BBS9: variants seen among roughly 807,000 people sequenced by gnomAD.
BBS9 encodes Bardet-Biedl syndrome 9.
In BBS9, 89 loss-of-function variants were observed where a neutral mutation model predicts 117.7. The observed-to-expected ratio is 0.76, with a 90% CI of 0.64 to 0.90. The LOEUF (loss-of-function observed/expected upper bound fraction) is 0.90. Ranked by LOEUF, BBS9 falls within the 40% of genes least tolerant of loss-of-function variation. The pLI, the probability that BBS9 is intolerant of heterozygous loss-of-function variation, is 0.00. For missense variants in BBS9, 982 were observed against 1,042.2 expected, an observed-to-expected ratio of 0.94 and a Z score of 0.80; for synonymous variants, 379 against 370.9, an observed-to-expected ratio of 1.02 and a Z score of -0.25.
At chr7:33,563,731 T>C (rs1856445278) in intron 21 of BBS9, among the ~76,000 whole-genome samples, 1 of 152,222 alleles carries the variant, frequency 6.6e-6, no homozygotes. Context: ...ATGGGGTCAC[T>C]GTAGCTGCAA....
intron 21 of BBS9, among the ~76,000 whole-genome samples, chr7:33,632,647 A>G (rs531625817): frequency 1.2e-4 from 18 of 152,204 alleles, no homozygotes; most frequent in African/African-American, 4.1e-4. Context: ...ACCACTGCCC[A>G]GCCCCGGGGA....
intron 17 of BBS9, among the ~76,000 whole-genome samples, chr7:33,382,460 A>C (rs1584582066): frequency 5.4e-5 from 1 of 18,536 alleles, no homozygotes; most frequent in Non-Finnish European, 9.4e-5. Context: ...ACCCTGTCTC[A>C]AAAAAAAAAA....
chr7:33,476,173 G>T (rs1177920457), intron 19 of BBS9, among the ~76,000 whole-genome samples: 1 of 151,954 alleles, frequency 6.6e-6, no homozygotes, highest in Non-Finnish European at 1.5e-5. Flanking sequence ...AATACAATTG[G>T]TTTTCTATTT....
chr7:33,564,936 C>T (rs760835238), intron 21 of BBS9, among the ~76,000 whole-genome samples: 29 of 151,916 alleles, frequency 1.9e-4, no homozygotes, highest in Non-Finnish European at 3.5e-4. Context: ...GTAGATATAA[C>T]ATCAAAAGGA....
chr7:33,363,349 T>G (rs986498423), intron 16 of BBS9, among the ~76,000 whole-genome samples: 17 of 152,144 alleles, frequency 1.1e-4, no homozygotes, highest in African/African-American at 4.1e-4. Flanking sequence ...GTGATCCACC[T>G]GTCTTGGCCT....
chr7:33,264,005 C>T (rs1001185876), intron 6 of BBS9, among the ~76,000 whole-genome samples: 1 of 151,974 alleles, frequency 6.6e-6, no homozygotes, highest in Admixed American at 6.6e-5. Context: ...AGCATTGTTA[C>T]TTGTCACATA....
rs1272907025 is a variant in BBS9, at chr7:33,129,804, C to G, written c.-249C>G. On this transcript the variant is annotated 5_prime_UTR_variant, in exon 1 of 23. Transcript: ENST00000242067. ...AGGGGAGCTTCTTGGGGGAATCACT[C>G]CAACTCTGTGGAGCTGGTGGTGCTG... The G allele has an allele frequency of 6.6e-6, 1 of 152,540 alleles. No homozygotes were observed. Among genetic ancestry groups the G allele is most frequent in the Non-Finnish European group, 1.5e-5 (1 of 68,426 alleles). 9.4% of individuals were successfully genotyped at this position (152,540 alleles called of 1,614,324 possible).
Position 33,177,698 on chromosome 7 carries a change from T to C in BBS9, c.442+107T>C. 3 of 838,620 alleles carry C rather than the reference T, an allele frequency of 3.6e-6. No homozygotes were observed. In the South Asian group the frequency reaches 4.2e-5, roughly 12 times the overall value. 51.9% of individuals were successfully genotyped at this position (838,620 alleles called of 1,614,324 possible). A position where few individuals can be genotyped will look rare whatever the true frequency, so the allele number is the denominator to read the frequency against. ...GTTTGACTCTCAGAAAGAGTTAAAA[T>C]AGACATTTTATTGAAACCTTTGTAT... On this transcript the variant is annotated intron_variant, in intron 5 of 22. Coordinates refer to ENST00000242067, the MANE Select transcript of BBS9 (RefSeq NM_198428.3).
chr7:33,599,419 A>T (rs1306753911), intron 21 of BBS9, among the ~76,000 whole-genome samples: 1 of 152,176 alleles, frequency 6.6e-6, no homozygotes, highest in Non-Finnish European at 1.5e-5. Context: ...CTTTGGCCTG[A>T]AAATAGTCAG....
chr7:33,409,067 G>T (rs1253100488), intron 19 of BBS9, among the ~76,000 whole-genome samples: 2 of 151,928 alleles, frequency 1.3e-5, no homozygotes, highest in African/African-American at 4.8e-5. Flanking sequence ...TTTTTTGCTT[G>T]TTGATTCGTT....
At chr7:33,587,822 T>A (rs908350056) in intron 21 of BBS9, among the ~76,000 whole-genome samples, 2 of 152,138 alleles carry the variant, frequency 1.3e-5, no homozygotes, top group African/African-American at 2.4e-5. Flanking sequence ...TTGAAATGTT[T>A]ATGTTACCAG....
chr7:33,288,963 C>T (rs1803455166), intron 9 of BBS9, among the ~76,000 whole-genome samples: 1 of 152,036 alleles, frequency 6.6e-6, no homozygotes, highest in East Asian at 1.9e-4. Flanking sequence ...TAATTACAGC[C>T]TAAGTGAGTT....
chr7:33,469,621 A>G (rs1840689577), intron 19 of BBS9, among the ~76,000 whole-genome samples: 1 of 152,198 alleles, frequency 6.6e-6, no homozygotes, highest in South Asian at 2.1e-4. Context: ...ATGAACTGCA[A>G]CAATGCAATA....
chr7:33,492,205 AAAAAAAAAC>A (rs1035172792), intron 19 of BBS9, among the ~76,000 whole-genome samples: 1 of 145,404 alleles, frequency 6.9e-6, no homozygotes, highest in Non-Finnish European at 1.5e-5. Context: ...TCCACCTCGA[AAAAAAAAAC>A]AAAAAAAAAA....
Position 33,236,977 on chromosome 7 carries a change from A to G in BBS9, c.443-20259A>G, listed in dbSNP as rs559510599. ...CATACACATTATAATTAATTTAATC[A>G]GTCATCTGTTGATGTATATCTAATG... is the stretch of plus-strand genomic sequence containing the variant. On this transcript the variant is annotated intron_variant, in intron 5 of 22. Coordinates refer to ENST00000242067, the MANE Select transcript of BBS9 (RefSeq NM_198428.3). Among the ~76,000 whole-genome samples the G allele has an allele frequency of 2.0e-5, 3 of 152,292 alleles. No individual in the cohort carries two copies. In the South Asian group the frequency reaches 6.2e-4, roughly 32 times the overall value.
At chr7:33,227,942 G>A (rs1791609395) in intron 5 of BBS9, among the ~76,000 whole-genome samples, 1 of 152,056 alleles carries the variant, frequency 6.6e-6, no homozygotes, top group Non-Finnish European at 1.5e-5. Flanking sequence ...GACCATGTGT[G>A]CACATGTGTC....
chr7:33,251,456 T>C (rs1796211934), intron 5 of BBS9, among the ~76,000 whole-genome samples: 1 of 152,090 alleles, frequency 6.6e-6, no homozygotes, highest in African/African-American at 2.4e-5. Context: ...ACCTTATGGC[T>C]GAGCATGAGG....
intron 5 of BBS9, among the ~76,000 whole-genome samples, chr7:33,202,408 C>G (rs1786041119): frequency 6.6e-6 from 1 of 152,290 alleles, no homozygotes; most frequent in African/African-American, 2.4e-5. Flanking sequence ...CCTGGTTTAT[C>G]TTGTGACAGA....
rs145841851 is a variant in BBS9, at chr7:33,628,412, G to C, written c.2522-6765G>C. ...GGTTTAACATTCTGAAATCAATCAAGATAATTCACTGTATTAACAGAATAT... is the reference window on the plus strand; with the variant it reads ...GGTTTAACATTCTGAAATCAATCAACATAATTCACTGTATTAACAGAATAT... On this transcript the variant is annotated intron_variant, in intron 21 of 21. Coordinates refer to the BBS9 transcript ENST00000671952. Among the ~76,000 whole-genome samples, 148 of 152,284 alleles carry C rather than the reference G, an allele frequency of 9.7e-4. 1 individual carries two copies. Among genetic ancestry groups the C allele is most frequent in the African/African-American group, 3.3e-3 (137 of 41,542 alleles).
Sources: gnomAD v4.1 joint callset for allele counts (sites outside exome capture counted in the v4.1 genomes callset) on GRCh38, gnomAD v4.1.1 for gene constraint, MANE v1.5 for transcripts, NCBI Gene and HGNC (gene_info 2026-07-23, HGNC 2026-07-21) for gene names.